The following HS6ST2 variants were observed in gnomAD, a reference collection of about 807,000 sequenced individuals.
The protein encoded by HS6ST2 is heparan sulfate 6-O-sulfotransferase 2, also known as heparan-sulfate 6-O-sulfotransferase 2.
Under a neutral mutation model 33.0 loss-of-function variants are expected in HS6ST2, and 17 were observed. The observed-to-expected ratio is 0.52, with a 90% CI of 0.35 to 0.77. HS6ST2 has a LOEUF of 0.77. Ranked by LOEUF, HS6ST2 falls within the 30% of genes least tolerant of loss-of-function variation. HS6ST2 has a pLI of 0.01. For synonymous variants in HS6ST2, 248 were observed against 237.1 expected (o/e 1.05, Z -0.42); for missense variants, 519 against 551.7 (o/e 0.94, Z 0.59).
chrX:132,822,369 C>A (rs1362769557), intron 2 of HS6ST2, among the ~76,000 whole-genome samples: 4 of 111,251 alleles, frequency 3.6e-5, no homozygotes, highest in Non-Finnish European at 7.5e-5. Context: ...AGAGCCGCAT[C>A]CTGCTCAGCA....
intron 2 of HS6ST2, among the ~76,000 whole-genome samples, chrX:132,755,189 T>A (rs2064747359): frequency 8.9e-6 from 1 of 112,521 alleles, no homozygotes; most frequent in South Asian, 3.7e-4. Flanking sequence ...TATGGACTCT[T>A]GGATGTTTAT....
At chrX:132,799,098 G>A (rs939007501) in intron 2 of HS6ST2, among the ~76,000 whole-genome samples, 1 of 111,100 alleles carries the variant, frequency 9.0e-6, no homozygotes, top group African/African-American at 3.3e-5. Context: ...TTAAGAGGAA[G>A]AGCAGCACTA....
chrX:132,729,241 T>C (rs1033482169), intron 2 of HS6ST2, among the ~76,000 whole-genome samples: 1 of 112,482 alleles, frequency 8.9e-6, no homozygotes, highest in Non-Finnish European at 1.9e-5. Context: ...CAAACACTTT[T>C]AGAAGCAGAC....
intron 2 of HS6ST2, among the ~76,000 whole-genome samples, chrX:132,794,316 C>G (rs996599762): frequency 1.8e-5 from 2 of 111,827 alleles, no homozygotes; most frequent in African/African-American, 6.5e-5. Context: ...ATGTGACTAC[C>G]CTTTGTTAAA....
intron 2 of HS6ST2, among the ~76,000 whole-genome samples, chrX:132,903,626 TG>T (rs2066444874): frequency 8.9e-6 from 1 of 111,925 alleles, no homozygotes; most frequent in African/African-American, 3.2e-5. Context: ...AGTCAATGAT[TG>T]TCAACAAGGG....
chrX:132,850,008 T>C (rs1284781638), intron 2 of HS6ST2, among the ~76,000 whole-genome samples: 1 of 112,155 alleles, frequency 8.9e-6, no homozygotes, highest in East Asian at 2.8e-4. Flanking sequence ...CTAAGTCAAC[T>C]ACCTCTTAGC....
chrX:132,797,642 C>A (rs1480610498), intron 2 of HS6ST2, among the ~76,000 whole-genome samples: 1 of 111,211 alleles, frequency 9.0e-6, no homozygotes, highest in Non-Finnish European at 1.9e-5. Flanking sequence ...GAGGAAAGTT[C>A]TCATTTGTTC....
At chrX:132,666,684 C>G (rs1392626971) in intron 4 of HS6ST2, among the ~76,000 whole-genome samples, 1 of 111,482 alleles carries the variant, frequency 9.0e-6, no homozygotes, top group Non-Finnish European at 1.9e-5. Context: ...TTTGGGGCAG[C>G]TTGACTTTTG....
intron 4 of HS6ST2, among the ~76,000 whole-genome samples, chrX:132,653,621 G>C (rs1030559738): frequency 1.1e-4 from 12 of 111,631 alleles, no homozygotes; most frequent in East Asian, 5.6e-4. Flanking sequence ...GAGTTGCTTA[G>C]GGTTAGGTAT....
At chrX:132,768,217 G>A (rs2064866740) in intron 2 of HS6ST2, among the ~76,000 whole-genome samples, 1 of 108,044 alleles carries the variant, frequency 9.3e-6, no homozygotes, top group South Asian at 4.2e-4. Context: ...GACACCTTTA[G>A]TCCCAGCTAC....
chrX:132,925,913 T>C (rs1286967131), intron 2 of HS6ST2, among the ~76,000 whole-genome samples: 1 of 111,733 alleles, frequency 8.9e-6, no homozygotes, highest in African/African-American at 3.3e-5. Context: ...CATTCTCCTT[T>C]TACAAATGAG....
chrX:132,697,490 A>G (rs2148236426), intron 3 of HS6ST2, among the ~76,000 whole-genome samples: 1 of 112,342 alleles, frequency 8.9e-6, no homozygotes, highest in East Asian at 2.8e-4. Flanking sequence ...AAAGCTACTT[A>G]TTTTGAAACT....
intron 3 of HS6ST2, among the ~76,000 whole-genome samples, chrX:132,676,362 T>G (rs1221047462): frequency 1.8e-5 from 2 of 111,713 alleles, no homozygotes; most frequent in African/African-American, 6.5e-5. Flanking sequence ...TACATAACAA[T>G]GTAATGTACC....
At chrX:132,699,405 T>C (rs1007632966) in intron 3 of HS6ST2, among the ~76,000 whole-genome samples, 1 of 111,932 alleles carries the variant, frequency 8.9e-6, no homozygotes, top group Non-Finnish European at 1.9e-5. Context: ...TAGAGAGGAA[T>C]AAATGAGGCT....
intron 3 of HS6ST2, among the ~76,000 whole-genome samples, chrX:132,696,031 G>T (rs1023505237): frequency 9.0e-6 from 1 of 111,544 alleles, no homozygotes; most frequent in African/African-American, 3.3e-5. Flanking sequence ...TGGAGGAAAG[G>T]GTCGGCCAAG....
At chrX:132,894,139 TG>T (rs376625634) in intron 2 of HS6ST2, among the ~76,000 whole-genome samples, 119 of 98,041 alleles carry the variant, frequency 1.2e-3, no homozygotes, top group Middle Eastern at 5.2e-3. Context: ...TTTTTTTTTG[TG>T]GGGGGGGAGG....
At chrX:132,885,915 C>CCAAA (rs766001046) in intron 2 of HS6ST2, among the ~76,000 whole-genome samples, 5 of 111,698 alleles carry the variant, frequency 4.5e-5, no homozygotes, top group African/African-American at 1.6e-4. Flanking sequence ...AAAGAAACTA[C>CCAAA]CAAACAAACA....
intron 2 of HS6ST2, among the ~76,000 whole-genome samples, chrX:132,906,304 A>G (rs749367299): frequency 8.9e-6 from 1 of 112,135 alleles, no homozygotes; most frequent in Non-Finnish European, 1.9e-5. Flanking sequence ...ATTTCTCTAA[A>G]TGTTATTTTT....
intron 2 of HS6ST2, among the ~76,000 whole-genome samples, chrX:132,897,466 C>G (rs1187478725): frequency 9.0e-6 from 1 of 111,467 alleles, no homozygotes; most frequent in African/African-American, 3.3e-5. Context: ...AATTAAACCT[C>G]TCTATATCTG....
Sources: allele counts gnomAD v4.1 joint callset (sites outside exome capture counted in the v4.1 genomes callset), GRCh38; gene constraint gnomAD v4.1.1; transcripts MANE v1.5; gene names NCBI Gene and HGNC (gene_info 2026-07-23, HGNC 2026-07-21).